The following CSMD1 variants were observed in gnomAD, a reference collection of about 807,000 sequenced individuals.
The protein encoded by CSMD1 is CUB and Sushi multiple domains 1.
A neutral mutation model predicts 417.5 loss-of-function variants in CSMD1; 213 were observed. That is an observed-to-expected ratio of 0.51 (90% confidence interval 0.46 to 0.57). The LOEUF (loss-of-function observed/expected upper bound fraction) is 0.57. Among genes scored for constraint, CSMD1 ranks in the 20% least tolerant of loss-of-function variants. The pLI, the probability that CSMD1 is intolerant of heterozygous loss-of-function variation, is 0.00. For missense variants in CSMD1, 6,923 were observed against 4,529.7 expected (o/e 1.53, Z -15.17); for synonymous variants, 2,862 against 1,736.8 (o/e 1.65, Z -16.11).
At chr8:3,161,384 A>C (rs1819880639) in intron 38 of CSMD1, among the ~76,000 whole-genome samples, 1 of 152,180 alleles carries the variant, frequency 6.6e-6, no homozygotes, top group South Asian at 2.1e-4. Context: ...TGGGAGGCCA[A>C]GGCAGGTGGA....
intron 3 of CSMD1, among the ~76,000 whole-genome samples, chr8:4,160,404 C>A (rs1647294): frequency 0.98 from 149,981 of 152,302 alleles, 73,892 homozygotes; most frequent in East Asian, 1. Flanking sequence ...TATATATACG[C>A]AACTTTAAAT....
chr8:4,957,830 T>A (rs529439256), intron 1 of CSMD1, among the ~76,000 whole-genome samples: 1 of 152,302 alleles, frequency 6.6e-6, no homozygotes, highest in South Asian at 2.1e-4. Context: ...GATAGTACAA[T>A]TGGACAATAC....
At chr8:4,366,450 G>T (rs1376548219) in intron 3 of CSMD1, among the ~76,000 whole-genome samples, 4 of 152,148 alleles carry the variant, frequency 2.6e-5, no homozygotes, top group Admixed American at 2.0e-4. Flanking sequence ...TCCCAAAGGT[G>T]GGACTGCTGG....
chr8:3,810,535 G>C (rs898996430), intron 5 of CSMD1, among the ~76,000 whole-genome samples: 1 of 152,152 alleles, frequency 6.6e-6, no homozygotes, highest in Non-Finnish European at 1.5e-5. Flanking sequence ...TGCCTCCTTG[G>C]TGTGGTCTGT....
At chr8:4,312,578 G>C (rs375381116) in intron 3 of CSMD1, among the ~76,000 whole-genome samples, 22 of 151,664 alleles carry the variant, frequency 1.5e-4, no homozygotes, top group East Asian at 1.4e-3. Context: ...ATGAGCAACA[G>C]ATGTATTAAA....
intron 11 of CSMD1, among the ~76,000 whole-genome samples, chr8:3,477,620 G>A (rs1378985368): frequency 6.6e-6 from 1 of 152,162 alleles, no homozygotes; most frequent in East Asian, 1.9e-4. Context: ...AAATATCTCT[G>A]GTACAAATTG....
At chr8:3,984,337 A>G (rs1045569497) in intron 5 of CSMD1, among the ~76,000 whole-genome samples, 2 of 152,186 alleles carry the variant, frequency 1.3e-5, no homozygotes, top group African/African-American at 4.8e-5. Flanking sequence ...CCACTGCCAA[A>G]AGAAAATGCT....
intron 3 of CSMD1, among the ~76,000 whole-genome samples, chr8:4,058,603 C>G (rs939621805): frequency 6.6e-6 from 1 of 151,074 alleles, no homozygotes; most frequent in Non-Finnish European, 1.5e-5. Flanking sequence ...GAAGATCTAC[C>G]AAGCAAATGG....
intron 5 of CSMD1, among the ~76,000 whole-genome samples, chr8:3,754,589 G>C (rs112352974): frequency 0.042 from 6,411 of 152,158 alleles, 166 homozygotes; most frequent in African/African-American, 0.063. Context: ...TGAGTAGCTG[G>C]GATTACAGGC....
chr8:3,370,762 G>T (rs190327857), intron 18 of CSMD1, among the ~76,000 whole-genome samples: 2 of 152,116 alleles, frequency 1.3e-5, no homozygotes, highest in East Asian at 1.9e-4. Flanking sequence ...ATCACCTGAG[G>T]TCAGGAGTTC....
At chr8:4,812,021 G>T (rs922027359) in intron 1 of CSMD1, among the ~76,000 whole-genome samples, 1 of 152,112 alleles carries the variant, frequency 6.6e-6, no homozygotes. Flanking sequence ...ATTACAGCAG[G>T]AGTCAAGCCC....
At chr8:4,962,187 GCTT>G (rs1157098596) in intron 1 of CSMD1, among the ~76,000 whole-genome samples, 1 of 98,318 alleles carries the variant, frequency 1.0e-5, no homozygotes, top group African/African-American at 3.9e-5. Context: ...GTAAATTTCT[GCTT>G]TTTTTTTAAA....
intron 6 of CSMD1, among the ~76,000 whole-genome samples, chr8:3,727,923 G>C (rs1802588053): frequency 6.6e-6 from 1 of 152,176 alleles, no homozygotes; most frequent in South Asian, 2.1e-4. Flanking sequence ...CAAATTCAAA[G>C]AGCGGCAGGG....
chr8:3,040,233 G>A (rs1174710849), intron 50 of CSMD1, among the ~76,000 whole-genome samples: 2 of 151,958 alleles, frequency 1.3e-5, no homozygotes, highest in African/African-American at 4.8e-5. Context: ...CCACCAAAAT[G>A]TTAATGCAGC....
At chr8:4,444,783 AC>A (rs1415623068) in intron 2 of CSMD1, among the ~76,000 whole-genome samples, 1 of 152,198 alleles carries the variant, frequency 6.6e-6, no homozygotes, top group Non-Finnish European at 1.5e-5. Context: ...TTGACTAAGA[AC>A]ATATTATTCC....
At chr8:3,312,045 A>C (rs1910376) in intron 23 of CSMD1, among the ~76,000 whole-genome samples, 1 of 152,114 alleles carries the variant, frequency 6.6e-6, no homozygotes, top group Non-Finnish European at 1.5e-5. Flanking sequence ...ATTTTCCTCT[A>C]CCCTAAAACT....
chr8:4,568,906 G>A (rs113533541), intron 2 of CSMD1, among the ~76,000 whole-genome samples: 2,016 of 152,188 alleles, frequency 0.013, 45 homozygotes, highest in African/African-American at 0.045. Flanking sequence ...GTTTTTGGCA[G>A]CATAAATGTC....
At chr8:3,036,978 C>T (rs930015054) in intron 50 of CSMD1, among the ~76,000 whole-genome samples, 1 of 152,126 alleles carries the variant, frequency 6.6e-6, no homozygotes. Flanking sequence ...ATCTTCCTAT[C>T]TATCATCCCC....
At chr8:4,054,678 T>C (rs779020212) in intron 3 of CSMD1, among the ~76,000 whole-genome samples, 5 of 152,112 alleles carry the variant, frequency 3.3e-5, no homozygotes, top group Non-Finnish European at 7.4e-5. Flanking sequence ...CATAGGACAT[T>C]AGCTGAATAC....
Sources: allele counts gnomAD v4.1 joint callset (sites outside exome capture counted in the v4.1 genomes callset), GRCh38; gene constraint gnomAD v4.1.1; transcripts MANE v1.5; gene names NCBI Gene and HGNC (gene_info 2026-07-23, HGNC 2026-07-21).